The following SERPINA1 variants were observed in gnomAD, a reference collection of about 807,000 sequenced individuals.
SERPINA1 encodes the protein serpin family A member 1.
A neutral mutation model predicts 25.4 loss-of-function variants in SERPINA1; 21 were observed. The observed-to-expected ratio is 0.83, with a 90% CI of 0.59 to 1.19. SERPINA1 has a LOEUF of 1.19. SERPINA1 is among the 50% of genes most tolerant of loss of function. SERPINA1 has a pLI of 0.00. For synonymous variants in SERPINA1, 218 were observed against 211.1 expected, an observed-to-expected ratio of 1.03 and a Z score of -0.29; for missense variants, 546 against 509.0, an observed-to-expected ratio of 1.07 and a Z score of -0.70.
Position 94,379,542 on chromosome 14 carries a change from T to C in SERPINA1, c.987A>G (p.Gln329=). The change falls in exon 4 of 5, where the codon CAA becomes CAG. Residue 329 remains glutamine, a synonymous_variant. Transcript: ENST00000393087. ...GTYDLKSVLG[Q]LGITKVFSNG... ...TGCTGAAGACCTTAGTGATGCCCAG[T>C]TGACCCAGGACGCTCTTCAGATCAT... 6.2e-7 allele frequency: 1 copy of C among 1,607,222 alleles called. No individual in the cohort carries two copies.
intron 1 of SERPINA1, among the ~76,000 whole-genome samples, chr14:94,387,632 G>A (rs1442359955): frequency 6.6e-6 from 1 of 152,146 alleles, no homozygotes; most frequent in African/African-American, 2.4e-5. Flanking sequence ...GTCCAGCCCA[G>A]GTTTCCTGTT....
chr14:94,386,627 C>T lies in SERPINA1; in HGVS notation c.-5+1933G>A, dbSNP rs370198291. Reference sequence around the variant, plus strand: ...ACCAGGTGAGGAAGCCCTCCCTGTACCTGCACACAGGTTGAGCTCCTGCCC... The same window carrying T: ...ACCAGGTGAGGAAGCCCTCCCTGTATCTGCACACAGGTTGAGCTCCTGCCC... On this transcript the variant is annotated intron_variant, in intron 1 of 4. Coordinates refer to ENST00000393087, the MANE Select transcript of SERPINA1 (RefSeq NM_000295.5). Among the ~76,000 whole-genome samples the T allele has an allele frequency of 2.2e-4, 33 of 152,318 alleles. No individual in the cohort carries two copies. The South Asian group carries it at 2.5e-3, about 11-fold the overall frequency.
At position 94,379,602 on chromosome 14, in the gene SERPINA1, G is replaced by T; in HGVS notation, c.927C>A (p.Ser309Arg). 6.2e-7 allele frequency: 1 copy of T among 1,613,620 alleles called. No individual in the cohort carries two copies. The highest frequency in any genetic ancestry group is 8.5e-7 in the Non-Finnish European group (1 of 1,179,878). ...TAATGGACAGTTTGGGTAAATGTAA[G>T]CTGGCAGACCTGTCGTGCAGAAAAG... is the stretch of plus-strand genomic sequence containing the variant. Reference protein sequence around the residue: ...FLENEDRRSASLHLPKLSITG... With the variant: ...FLENEDRRSARLHLPKLSITG... Residue 309 changes from serine to arginine, a missense_variant, in exon 4 of 5, where the codon AGC (serine) becomes AGA (arginine). By Grantham distance (110) the Ser-to-Arg change is moderately radical. Coordinates refer to ENST00000393087, the MANE Select transcript of SERPINA1 (RefSeq NM_000295.5).
chr14:94,378,532 T>G lies in SERPINA1; in HGVS notation c.1174A>C (p.Lys392Gln). The part of the protein sequence containing the change: ...MSIPPEVKFN[K>Q]PFVFLMIEQN... ...TCAATCATTAAGAAGACAAAGGGTTTGTTGAACTTGACCTCGGGGGGGATA... is the reference window on the plus strand; with the variant it reads ...TCAATCATTAAGAAGACAAAGGGTTGGTTGAACTTGACCTCGGGGGGGATA... The change falls in exon 5 of 5, where the codon AAA (lysine) becomes CAA (glutamine). Residue 392 changes from lysine to glutamine, a missense_variant. Physicochemically the swap from Lys to Gln is moderately conservative, Grantham distance 53. Coordinates refer to ENST00000393087, the MANE Select transcript of SERPINA1 (RefSeq NM_000295.5). The G allele has an allele frequency of 6.2e-7, 1 of 1,614,008 alleles. No individual in the cohort carries two copies. Among genetic ancestry groups the G allele is most frequent in the East Asian group, 2.2e-5 (1 of 44,862 alleles).
At chr14:94,379,118 G>A (rs895780284) in intron 4 of SERPINA1, 9 of 575,684 alleles carry the variant, frequency 1.6e-5, no homozygotes, top group Non-Finnish European at 2.8e-5. Context: ...CTCACAGATC[G>A]AAGGAGTCAG....
intron 2 of SERPINA1, 67 bp from the exon 3 acceptor site, chr14:94,381,208 A>G (rs936155141): frequency 6.7e-7 from 1 of 1,503,386 alleles, no homozygotes; most frequent in African/African-American, 1.4e-5. Context: ...AGCAGAATAA[A>G]GAAACCATGA....
At chr14:94,385,171 G>A (rs1444539299) in intron 1 of SERPINA1, among the ~76,000 whole-genome samples, 1 of 152,230 alleles carries the variant, frequency 6.6e-6, no homozygotes, top group Non-Finnish European at 1.5e-5. Flanking sequence ...ATGCTGAGTG[G>A]CCTCAGGGCC....
chr14:94,379,470 G>T lies in SERPINA1; in HGVS notation c.1059C>A (p.Leu353=). The change falls in exon 4 of 5, where the codon CTC becomes CTA. Residue 353 remains leucine (L), a synonymous_variant. Transcript: ENST00000393087. The stretch of plus-strand genomic sequence containing the variant: ...GTCGTCAGGGTGATCTCACCTTGGA[G>T]AGCTTCAGGGGTGCCTCCTCTGTGA... The part of the protein sequence containing the change: ...SGVTEEAPLK[L]SKAVHKAVLT... The T allele has an allele frequency of 5.0e-6, 8 of 1,614,210 alleles. No homozygotes were observed. The highest frequency in any genetic ancestry group is 6.8e-6 in the Non-Finnish European group (8 of 1,180,048).
At position 94,382,534 on chromosome 14, in the gene SERPINA1, T is replaced by G; in HGVS notation, c.646+58A>C. ...CAAGGAGAGTTCAAGAACTGATGGT[T>G]TGAGAATATTTTTGCTTGTTTCTAT... On this transcript the variant is annotated intron_variant, in intron 2 of 4. Coordinates refer to ENST00000393087, the MANE Select transcript of SERPINA1 (RefSeq NM_000295.5). 1.9e-6 allele frequency: 3 copies of G among 1,607,820 alleles called. No individual in the cohort carries two copies. The South Asian group carries it at 3.3e-5, about 18-fold the overall frequency.
At position 94,378,240 on chromosome 14, in the gene SERPINA1, C is replaced by T; in HGVS notation, c.*209G>A. 1 of 604,808 alleles carries T rather than the reference C, an allele frequency of 1.7e-6. No individual in the cohort carries two copies. Among genetic ancestry groups the T allele is most frequent in the Admixed American group, 2.9e-5 (1 of 34,472 alleles). The allele number at this position is 604,808 out of a possible 1,614,324, so 37.5% of individuals were successfully genotyped here. A position where few individuals can be genotyped will look rare whatever the true frequency, so the allele number is the denominator to read the frequency against. The stretch of plus-strand genomic sequence containing the variant: ...TCAAGCCCAGCATGTGCCTACCCAG[C>T]CAGATGCTCCATGAACACAGTTCAG... On this transcript the variant is annotated 3_prime_UTR_variant, in exon 5 of 5. Coordinates refer to ENST00000393087, the MANE Select transcript of SERPINA1 (RefSeq NM_000295.5).
chr14:94,386,748 TTTGGCAAA>T (rs1897314747), intron 1 of SERPINA1, among the ~76,000 whole-genome samples: 2 of 152,152 alleles, frequency 1.3e-5, no homozygotes, highest in African/African-American at 4.8e-5. Context: ...AGCATCTGAG[TTTGGCAAA>T]TTTTCCATTA....
chr14:94,378,968 C>A, intron 4 of SERPINA1: 1 of 491,164 alleles, frequency 2.0e-6, no homozygotes, highest in African/African-American at 2.3e-5. Flanking sequence ...GGACACGGAC[C>A]CTGGCAGTGA....
At chr14:94,378,772 T>C in intron 4 of SERPINA1, 132 bp from the exon 5 acceptor site, 1 of 958,554 alleles carries the variant, frequency 1.0e-6, no homozygotes, top group South Asian at 1.4e-5. Context: ...TCCCTCCCTG[T>C]CACATAGGCC....
At chr14:94,389,157 G>C (rs1414985009), upstream of SERPINA1, 1 of 152,378 alleles carries the variant, frequency 6.6e-6, no homozygotes, top group Non-Finnish European at 1.5e-5. Context: ...CATGACTGAG[G>C]CAGACACAAC....
At chr14:94,387,414 T>C (rs1053769242) in intron 1 of SERPINA1, among the ~76,000 whole-genome samples, 1 of 152,216 alleles carries the variant, frequency 6.6e-6, no homozygotes, top group African/African-American at 2.4e-5. Flanking sequence ...AGGCGTTCTA[T>C]AGGAAACTGG....
Position 94,377,670 on chromosome 14 carries a change from A to G in SERPINA1, c.*779T>C, listed in dbSNP as rs539869030. ...GGTCAAGTCTGAGGAGGAGATAGAG[A>G]AAACAAAGCAGAGACCCTCCTCTTC... On this transcript the variant is annotated 3_prime_UTR_variant, in exon 5 of 5. Transcript: ENST00000393087. 1 of 152,504 alleles carries G rather than the reference A, an allele frequency of 6.6e-6. No individual in the cohort carries two copies. The highest frequency in any genetic ancestry group is 6.5e-5 in the Admixed American group (1 of 15,302). 9.4% of individuals were successfully genotyped at this position (152,504 alleles called of 1,614,324 possible). A position where few individuals can be genotyped will look rare whatever the true frequency, so the allele number is the denominator to read the frequency against.
intron 3 of SERPINA1, among the ~76,000 whole-genome samples, chr14:94,379,993 A>AGAAGACTAAGTGGATAAGG (rs2139676240): frequency 6.8e-6 from 1 of 147,892 alleles, no homozygotes; most frequent in South Asian, 2.2e-4. Flanking sequence ...AGTGGATAAG[A>AGAAGACTAAGTGGATAAGG]GAAGAGTGAC....
chr14:94,380,609 G>A (rs1896829190), intron 3 of SERPINA1: 2 of 547,200 alleles, frequency 3.7e-6, no homozygotes, highest in Non-Finnish European at 6.6e-6. Flanking sequence ...AAGGGACAGT[G>A]TCCACACTGG....
chr14:94,380,758 A>G, intron 3 of SERPINA1, 113 bp downstream of exon 3: 4 of 1,364,050 alleles, frequency 2.9e-6, no homozygotes, highest in Non-Finnish European at 4.2e-6. Flanking sequence ...GCAGTGACCC[A>G]GGGATGTGGG....
Sources: allele counts gnomAD v4.1 joint callset (sites outside exome capture counted in the v4.1 genomes callset), GRCh38; gene constraint gnomAD v4.1.1; transcripts MANE v1.5; gene names NCBI Gene and HGNC (gene_info 2026-07-23, HGNC 2026-07-21).